The following TUSC3 variants were observed in gnomAD, a reference collection of about 807,000 sequenced individuals.
The protein encoded by TUSC3 is dolichyl-diphosphooligosaccharide--protein glycosyltransferase subunit TUSC3.
Under a neutral mutation model 44.8 loss-of-function variants are expected in TUSC3, and 45 were observed. The ratio of observed to expected loss-of-function variants is 1.00; its 90% CI spans 0.79 to 1.29. The LOEUF (loss-of-function observed/expected upper bound fraction) is 1.29. Among genes scored for constraint, TUSC3 ranks in the 50% most tolerant of loss-of-function variants. TUSC3 has a pLI of 0.00. For missense variants in TUSC3, 519 were observed against 437.9 expected (o/e 1.19, Z -1.65); for synonymous variants, 212 against 152.9 (o/e 1.39, Z -2.85).
intron 2 of TUSC3, among the ~76,000 whole-genome samples, chr8:15,488,958 A>C (rs897945878): frequency 6.6e-6 from 1 of 152,180 alleles, no homozygotes; most frequent in Non-Finnish European, 1.5e-5. Flanking sequence ...GACCTTCCCC[A>C]GTAATCTCAG....
chr8:15,485,564 G>A (rs1800723245), intron 2 of TUSC3, among the ~76,000 whole-genome samples: 3 of 149,006 alleles, frequency 2.0e-5, no homozygotes, highest in Non-Finnish European at 4.4e-5. Context: ...CTACAAACAC[G>A]AGCTAAACAA....
chr8:15,666,283 A>G (rs1807657338), intron 5 of TUSC3, among the ~76,000 whole-genome samples: 1 of 151,540 alleles, frequency 6.6e-6, no homozygotes, highest in Admixed American at 6.6e-5. Flanking sequence ...TGCACTTAAA[A>G]GCATGAAAGA....
At chr8:15,828,903 G>A in the TUSC3 span, among the ~76,000 whole-genome samples, 1 of 152,126 alleles carries the variant, frequency 6.6e-6, no homozygotes, top group African/African-American at 2.4e-5. Context: ...GCAAACAAAT[G>A]TTGGAGTGAA....
At chr8:15,835,324 A>G in the TUSC3 span, among the ~76,000 whole-genome samples, 1 of 152,002 alleles carries the variant, frequency 6.6e-6, no homozygotes, top group Non-Finnish European at 1.5e-5. Flanking sequence ...TTTAGAATTT[A>G]TGCTTTTTCT....
intron 1 of TUSC3, among the ~76,000 whole-genome samples, chr8:15,562,027 T>C (rs1195227065): frequency 6.6e-6 from 1 of 152,142 alleles, no homozygotes; most frequent in East Asian, 1.9e-4. Context: ...TTGGCTCCTC[T>C]CTTCAAAAAT....
At chr8:15,474,120 C>A (rs1226447260) in intron 1 of TUSC3, among the ~76,000 whole-genome samples, 1 of 152,150 alleles carries the variant, frequency 6.6e-6, no homozygotes, top group African/African-American at 2.4e-5. Flanking sequence ...TCCCTACTTA[C>A]ACGTCCATTT....
At chr8:15,540,666 G>A (rs192173187) in intron 1 of TUSC3, 98 bp downstream of exon 1, 2 of 1,413,472 alleles carry the variant, frequency 1.4e-6, no homozygotes, top group South Asian at 1.6e-5. Flanking sequence ...CAGCCTGGTC[G>A]CCGGCGTGGG....
rs193300798 is a variant in TUSC3, at chr8:15,553,269, G to A, written c.138+12701G>A. On this transcript the variant is annotated intron_variant, in intron 1 of 10. Coordinates refer to ENST00000503731, the MANE Select transcript of TUSC3 (RefSeq NM_006765.4). ...AATGGGAATTGAATTCATGGTGGTGGATAAAAATCACCCAGCCAGAGCACT... is the reference window on the plus strand; with the variant it reads ...AATGGGAATTGAATTCATGGTGGTGAATAAAAATCACCCAGCCAGAGCACT... 7.2e-5 allele frequency among the ~76,000 whole-genome samples: 11 copies of A among 151,780 alleles called. 1 individual carries two copies. Among genetic ancestry groups the A allele is most frequent in the Admixed American group, 6.6e-4 (10 of 15,190 alleles).
At chr8:15,748,571 T>C (rs776246226) in intron 9 of TUSC3, 106 bp downstream of exon 9, 26 of 1,142,528 alleles carry the variant, frequency 2.3e-5, no homozygotes, top group Middle Eastern at 3.8e-4. Context: ...TGTGTGGTTT[T>C]TTTAAATTCA....
At chr8:15,759,901 A>T (rs1812099420) in intron 10 of TUSC3, among the ~76,000 whole-genome samples, 1 of 152,104 alleles carries the variant, frequency 6.6e-6, no homozygotes, top group African/African-American at 2.4e-5. Context: ...ACAGTCACAC[A>T]AGATGGAAAT....
At chr8:15,566,916 C>T (rs1297200852) in intron 1 of TUSC3, among the ~76,000 whole-genome samples, 3 of 152,054 alleles carry the variant, frequency 2.0e-5, no homozygotes, top group South Asian at 4.2e-4. Flanking sequence ...TGTAGGTTTG[C>T]CCGGCCAACA....
the TUSC3 span, among the ~76,000 whole-genome samples, chr8:15,776,225 G>A: frequency 2.6e-5 from 4 of 151,852 alleles, no homozygotes; most frequent in African/African-American, 9.7e-5. Context: ...AAATACGTGG[G>A]GCCTCAGTTT....
intron 2 of TUSC3, among the ~76,000 whole-genome samples, chr8:15,485,786 T>TTTTGTTTG (rs138212805): frequency 2.6e-5 from 4 of 151,694 alleles, no homozygotes; most frequent in Non-Finnish European, 4.4e-5. Context: ...AGTTTGAGTT[T>TTTTGTTTG]TTTGTTTGTT....
At chr8:15,586,949 T>C (rs1803628013) in intron 1 of TUSC3, among the ~76,000 whole-genome samples, 1 of 152,192 alleles carries the variant, frequency 6.6e-6, no homozygotes, top group Non-Finnish European at 1.5e-5. Context: ...GCCATCCTAG[T>C]GATTCTGATG....
chr8:15,512,097 C>G (rs1015806036), intron 2 of TUSC3, among the ~76,000 whole-genome samples: 1 of 152,166 alleles, frequency 6.6e-6, no homozygotes, highest in African/African-American at 2.4e-5. Flanking sequence ...AAGACTTGTA[C>G]TACGTAATTT....
upstream of TUSC3, among the ~76,000 whole-genome samples, chr8:15,537,398 A>G (rs1801539683): frequency 1.3e-5 from 2 of 152,134 alleles, no homozygotes; most frequent in African/African-American, 4.8e-5. Context: ...TGCCTCTCTA[A>G]AATATATAAA....
chr8:15,750,508 G>T (rs1361388962), intron 9 of TUSC3, among the ~76,000 whole-genome samples: 1 of 151,296 alleles, frequency 6.6e-6, no homozygotes, highest in Non-Finnish European at 1.5e-5. Context: ...AAGAGTTTAA[G>T]TTTGTACTTC....
In TUSC3 at chr8:15,743,534, G is replaced by A. The variant is rs1269470955; in HGVS notation, c.863-4G>A. On this transcript the variant is annotated splice_polypyrimidine_tract_variant and splice_region_variant and intron_variant, in intron 7 of 10. Transcript: ENST00000503731. ...GTCTACGGCTTCCTTGACAACTACT[G>A]CAGATGCCGCTATCACCATGGGGAT... 18 of 1,613,722 alleles carry A rather than the reference G, an allele frequency of 1.1e-5. No homozygotes were observed. The highest frequency in any genetic ancestry group is 1.5e-5 in the Non-Finnish European group (18 of 1,179,792).
intron 6 of TUSC3, among the ~76,000 whole-genome samples, chr8:15,690,087 C>T (rs369571218): frequency 1.4e-4 from 21 of 152,156 alleles, no homozygotes; most frequent in East Asian, 1.4e-3. Flanking sequence ...TTTGAGAAAT[C>T]GCCAGACTGC....
Sources: gnomAD v4.1 joint callset for allele counts (sites outside exome capture counted in the v4.1 genomes callset) on GRCh38, gnomAD v4.1.1 for gene constraint, MANE v1.5 for transcripts, NCBI Gene and HGNC (gene_info 2026-07-23, HGNC 2026-07-21) for gene names.